Variants in GLI2 observed in about 807,000 individuals in gnomAD.
GLI2 encodes transcription activator GLI2.
A neutral mutation model predicts 78.9 loss-of-function variants in GLI2; 22 were observed. The observed-to-expected ratio is 0.28, with a 90% CI of 0.20 to 0.40. The LOEUF is 0.40. Ranked by LOEUF, GLI2 falls within the 10% of genes least tolerant of loss-of-function variation. The probability of loss-of-function intolerance (pLI) is 1.00; values close to 1 mark genes in which losing one functional copy is unlikely to be tolerated. For synonymous variants in GLI2, 974 were observed against 963.7 expected (o/e 1.01, Z -0.20); for missense variants, 2,097 against 2,213.2 (o/e 0.95, Z 1.05).
At chr2:120,847,747 G>A (rs1259777331) in intron 2 of GLI2, among the ~76,000 whole-genome samples, 2 of 149,332 alleles carry the variant, frequency 1.3e-5, no homozygotes, top group East Asian at 1.9e-4. Context: ...CCTTGGCTGC[G>A]TGGGGGGCAG....
intron 2 of GLI2, among the ~76,000 whole-genome samples, chr2:120,837,190 C>T (rs1417452172): frequency 1.3e-5 from 2 of 151,958 alleles, no homozygotes; most frequent in Non-Finnish European, 2.9e-5. Flanking sequence ...GTCAGGAGAT[C>T]GAGACCATCC....
chr2:120,864,002 G>A (rs565575751), intron 2 of GLI2, among the ~76,000 whole-genome samples: 16 of 152,158 alleles, frequency 1.1e-4, no homozygotes, highest in Non-Finnish European at 1.6e-4. Context: ...TGTGGAGGGC[G>A]GCTGGAGAAG....
intron 4 of GLI2, 66 bp downstream of exon 4, chr2:120,951,511 T>A: frequency 1.9e-6 from 2 of 1,039,846 alleles, no homozygotes; most frequent in Non-Finnish European, 2.9e-6. Flanking sequence ...CCAGCCTCTC[T>A]CACGCTAACA....
chr2:120,785,574 A>G (rs1424900119), intron 1 of GLI2, among the ~76,000 whole-genome samples: 1 of 152,146 alleles, frequency 6.6e-6, no homozygotes, highest in African/African-American at 2.4e-5. Context: ...AGCCTCGAGA[A>G]GCAGAGCTAC....
rs114232106 is a variant in GLI2, at chr2:120,830,746, G to A, written c.148+33278G>A. Among the ~76,000 whole-genome samples, 474 of 152,260 alleles carry A rather than the reference G, an allele frequency of 3.1e-3. 1 individual carries two copies. Among genetic ancestry groups the A allele is most frequent in the African/African-American group, 0.011 (448 of 41,546 alleles). ...GCTGGACCTGTGAGACTCCCTGCCC[G>A]TCCTGGTCCCCACCATGTTCCCTCT... is the stretch of plus-strand genomic sequence containing the variant. On this transcript the variant is annotated intron_variant, in intron 2 of 13. Coordinates refer to ENST00000361492, the MANE Select transcript of GLI2 (RefSeq NM_001374353.1).
At chr2:120,911,785 G>T (rs1678835760) in intron 2 of GLI2, among the ~76,000 whole-genome samples, 1 of 151,970 alleles carries the variant, frequency 6.6e-6, no homozygotes, top group East Asian at 1.9e-4. Context: ...GTGGACTGGG[G>T]TTGCTGAGGG....
intron 2 of GLI2, among the ~76,000 whole-genome samples, chr2:120,904,653 C>T (rs1168891435): frequency 1.3e-5 from 2 of 152,178 alleles, no homozygotes; most frequent in African/African-American, 4.8e-5. Context: ...CTCAACGCCC[C>T]CTGCCCGATG....
intron 5 of GLI2, 134 bp downstream of exon 5, chr2:120,955,564 A>T: frequency 1.6e-6 from 1 of 620,794 alleles, no homozygotes. Context: ...GCCTTCCAGG[A>T]TGGCTGTCCA....
At chr2:120,888,369 C>A (rs1327831544) in intron 2 of GLI2, among the ~76,000 whole-genome samples, 1 of 152,240 alleles carries the variant, frequency 6.6e-6, no homozygotes, top group Non-Finnish European at 1.5e-5. Context: ...TCCATGAGTT[C>A]TCTCAATCTC....
At chr2:120,791,987 A>G (rs1684173428) in intron 1 of GLI2, among the ~76,000 whole-genome samples, 1 of 152,148 alleles carries the variant, frequency 6.6e-6, no homozygotes, top group South Asian at 2.1e-4. Context: ...CGCATGCCGC[A>G]CGACTGAGAT....
chr2:120,828,131 G>T (rs186287279), intron 2 of GLI2, among the ~76,000 whole-genome samples: 1 of 152,248 alleles, frequency 6.6e-6, no homozygotes. Flanking sequence ...TAAAGCTTCC[G>T]TGAACCTTGG....
chr2:120,814,041 G>C (rs1273762651), intron 2 of GLI2, among the ~76,000 whole-genome samples: 2 of 151,836 alleles, frequency 1.3e-5, no homozygotes, highest in African/African-American at 2.4e-5. Context: ...TTCATCCCTG[G>C]GGGGACTCTG....
At chr2:120,975,167 T>A (rs1331884432) in intron 9 of GLI2, 58 bp downstream of exon 9, 1 of 1,565,066 alleles carries the variant, frequency 6.4e-7, no homozygotes, top group Non-Finnish European at 8.8e-7. Flanking sequence ...CCATGCAGGA[T>A]GCTGAGCCTT....
intron 2 of GLI2, among the ~76,000 whole-genome samples, chr2:120,831,312 A>T (rs571918907): frequency 6.6e-6 from 1 of 152,288 alleles, no homozygotes; most frequent in Admixed American, 6.5e-5. Flanking sequence ...TAACCTGGCA[A>T]TTGGCAAGTG....
intron 2 of GLI2, among the ~76,000 whole-genome samples, chr2:120,869,707 A>G (rs1688330510): frequency 6.6e-6 from 1 of 152,248 alleles, no homozygotes; most frequent in African/African-American, 2.4e-5. Flanking sequence ...TGGCAATACC[A>G]AAGGCATAAA....
chr2:120,758,531 G>A (rs1215189732), intron 1 of GLI2, among the ~76,000 whole-genome samples: 1 of 152,240 alleles, frequency 6.6e-6, no homozygotes, highest in Non-Finnish European at 1.5e-5. Context: ...TGTTCAGCCT[G>A]CGCCCCTGGC....
intron 3 of GLI2, among the ~76,000 whole-genome samples, chr2:120,947,414 G>C (rs577259655): frequency 6.6e-6 from 1 of 152,338 alleles, no homozygotes; most frequent in South Asian, 2.1e-4. Context: ...CCGATGGCTG[G>C]CACACAGTCA....
Position 120,950,620 on chromosome 2 carries a change from A to G in GLI2, c.255-623A>G, listed in dbSNP as rs146519855. On this transcript the variant is annotated intron_variant, in intron 3 of 13. Coordinates refer to ENST00000361492, the MANE Select transcript of GLI2 (RefSeq NM_001374353.1). Reference sequence around the variant, plus strand: ...TTCTGTTAGCGCTAGGAGGAATTCCATGGAAGGAGAACGAGGAGATATTCC... The same window carrying G: ...TTCTGTTAGCGCTAGGAGGAATTCCGTGGAAGGAGAACGAGGAGATATTCC... Among the ~76,000 whole-genome samples, 18 of 152,340 alleles carry G rather than the reference A, an allele frequency of 1.2e-4. No individual in the cohort carries two copies. The East Asian group carries it at 3.1e-3, about 26-fold the overall frequency.
At chr2:120,899,475 T>G (rs1031696834) in intron 2 of GLI2, among the ~76,000 whole-genome samples, 6 of 152,126 alleles carry the variant, frequency 3.9e-5, no homozygotes, top group African/African-American at 9.7e-5. Context: ...TTCCTCAGGC[T>G]GCAGCTTCCC....
Sources: allele counts gnomAD v4.1 joint callset (sites outside exome capture counted in the v4.1 genomes callset), GRCh38; gene constraint gnomAD v4.1.1; transcripts MANE v1.5; gene names NCBI Gene and HGNC (gene_info 2026-07-23, HGNC 2026-07-21).